The following WDPCP variants were observed in gnomAD, a reference collection of about 807,000 sequenced individuals.
WDPCP encodes the protein WD repeat-containing and planar cell polarity effector protein fritz homolog.
A neutral mutation model predicts 93.1 loss-of-function variants in WDPCP; 71 were observed. The observed-to-expected ratio is 0.76, with a 90% CI of 0.63 to 0.93. The LOEUF is 0.93. Among genes scored for constraint, WDPCP ranks in the 40% least tolerant of loss-of-function variants. WDPCP has a pLI of 0.00. For missense variants in WDPCP, 844 were observed against 887.4 expected (o/e 0.95, Z 0.62); for synonymous variants, 315 against 315.0 (o/e 1.00, Z 0.00).
At chr2:63,197,295 A>T (rs1328445921) in intron 14 of WDPCP, among the ~76,000 whole-genome samples, 1 of 152,000 alleles carries the variant, frequency 6.6e-6, no homozygotes, top group South Asian at 2.1e-4. Context: ...AGCTTACTCT[A>T]TTGTAAGAAG....
chr2:63,357,307 AAAGAAACCAAC>A (rs1161671409), intron 12 of WDPCP, among the ~76,000 whole-genome samples: 2 of 152,206 alleles, frequency 1.3e-5, no homozygotes. Context: ...CTGTACAGCT[AAAGAAACCAAC>A]AGAGTAAACA....
At chr2:63,705,965 A>G (rs1669144897) in intron 2 of WDPCP, among the ~76,000 whole-genome samples, 1 of 152,146 alleles carries the variant, frequency 6.6e-6, no homozygotes, top group African/African-American at 2.4e-5. Context: ...GACTTGCTTT[A>G]TGAATCTGGG....
At position 63,437,567 on chromosome 2, in the gene WDPCP, A is replaced by C. The variant is rs761136662; in HGVS notation, c.500-13T>G. The C allele has an allele frequency of 6.4e-7, 1 of 1,571,894 alleles. No homozygotes were observed. Among genetic ancestry groups the C allele is most frequent in the Non-Finnish European group, 8.6e-7 (1 of 1,156,300 alleles). ...TCTGTGAGAAGAGCTAAAAAACATA[A>C]TTAGATATTACCAAGTTAGAATAAA... On this transcript the variant is annotated splice_polypyrimidine_tract_variant and intron_variant, in intron 7 of 17. Transcript: ENST00000272321.
At chr2:63,594,630 T>C in intron 3 of WDPCP, 2 of 1,334,252 alleles carry the variant, frequency 1.5e-6, no homozygotes, top group Non-Finnish European at 2.1e-6. Flanking sequence ...AGAGTAAGAA[T>C]ATGGTTAATA....
At chr2:63,715,402 A>T (rs923647668) in intron 2 of WDPCP, among the ~76,000 whole-genome samples, 1 of 152,228 alleles carries the variant, frequency 6.6e-6, no homozygotes, top group Non-Finnish European at 1.5e-5. Context: ...AGAGGACTAT[A>T]AGCCATAGGT....
intron 14 of WDPCP, among the ~76,000 whole-genome samples, chr2:63,212,388 A>G (rs1219299324): frequency 6.6e-6 from 1 of 152,224 alleles, no homozygotes; most frequent in Non-Finnish European, 1.5e-5. Flanking sequence ...GTGCAGGAGA[A>G]ATAAAATCCT....
At chr2:63,595,416 T>C in intron 3 of WDPCP, 2 of 1,574,900 alleles carry the variant, frequency 1.3e-6, no homozygotes, top group Admixed American at 1.7e-5. Flanking sequence ...TCCTTGCTAT[T>C]TGGTAGCCTA....
chr2:63,634,718 A>G (rs1244096206), intron 3 of WDPCP, among the ~76,000 whole-genome samples: 2 of 152,192 alleles, frequency 1.3e-5, no homozygotes, highest in East Asian at 3.8e-4. Context: ...TAAAAGAAGA[A>G]ATCAAAAGGG....
intron 13 of WDPCP, among the ~76,000 whole-genome samples, chr2:63,286,681 A>T (rs1189797834): frequency 6.6e-6 from 1 of 152,214 alleles, no homozygotes; most frequent in Non-Finnish European, 1.5e-5. Flanking sequence ...ATATTTTAAA[A>T]ATCCAATCTT....
intron 10 of WDPCP, among the ~76,000 whole-genome samples, chr2:63,388,983 T>C (rs1228292913): frequency 6.6e-6 from 1 of 152,130 alleles, no homozygotes; most frequent in African/African-American, 2.4e-5. Context: ...CTTCAGGATA[T>C]TAGCAAGGAG....
intron 12 of WDPCP, among the ~76,000 whole-genome samples, chr2:63,336,864 A>G (rs1333014357): frequency 1.4e-5 from 2 of 147,596 alleles, no homozygotes; most frequent in African/African-American, 5.0e-5. Context: ...TCTGGTAACC[A>G]CCAGTCTACT....
chr2:63,684,588 T>C, intron 2 of WDPCP: 1 of 719,230 alleles, frequency 1.4e-6, no homozygotes, highest in East Asian at 2.9e-5. Flanking sequence ...AACAAAACTG[T>C]CATCAGTAAG....
intron 2 of WDPCP, among the ~76,000 whole-genome samples, chr2:63,674,873 A>G (rs1442789168): frequency 7.9e-5 from 12 of 152,188 alleles, no homozygotes. Context: ...AGTTCCTTGT[A>G]AGTAAATATC....
chr2:63,622,903 G>GGGCCA, intron 3 of WDPCP: 4 of 1,285,510 alleles, frequency 3.1e-6, no homozygotes, highest in Non-Finnish European at 4.4e-6. Flanking sequence ...CGCGGGGGCC[G>GGGCCA]GGCCAGGCCG....
chr2:63,608,273 A>G (rs186018452), intron 3 of WDPCP, among the ~76,000 whole-genome samples: 1 of 152,198 alleles, frequency 6.6e-6, no homozygotes, highest in South Asian at 2.1e-4. Context: ...ACCACTAAAT[A>G]CCACAGAAGT....
At chr2:63,307,239 G>A (rs1685812922) in intron 13 of WDPCP, among the ~76,000 whole-genome samples, 1 of 152,048 alleles carries the variant, frequency 6.6e-6, no homozygotes, top group Admixed American at 6.6e-5. Context: ...AAATAACAGA[G>A]GACACAAACA....
intron 2 of WDPCP, among the ~76,000 whole-genome samples, chr2:63,687,583 G>A (rs1265096984): frequency 6.6e-6 from 1 of 152,078 alleles, no homozygotes; most frequent in African/African-American, 2.4e-5. Flanking sequence ...ATATGAAAAG[G>A]TGCTCAATAT....
At chr2:63,272,193 T>C (rs1445902718) in intron 13 of WDPCP, among the ~76,000 whole-genome samples, 1 of 152,098 alleles carries the variant, frequency 6.6e-6, no homozygotes, top group Non-Finnish European at 1.5e-5. Context: ...TACCTTTCAC[T>C]AACAACTGCA....
At chr2:63,186,611 A>G (rs761736505) in intron 14 of WDPCP, among the ~76,000 whole-genome samples, 7 of 152,210 alleles carry the variant, frequency 4.6e-5, no homozygotes, top group Non-Finnish European at 8.8e-5. Flanking sequence ...CCTGGGTGGC[A>G]TGGTTTCTCA....
Sources: allele counts gnomAD v4.1 joint callset (sites outside exome capture counted in the v4.1 genomes callset), GRCh38; gene constraint gnomAD v4.1.1; transcripts MANE v1.5; gene names NCBI Gene and HGNC (gene_info 2026-07-23, HGNC 2026-07-21).